TMEM64: variants seen among roughly 807,000 people sequenced by gnomAD.
The protein encoded by TMEM64 is transmembrane protein 64.
In TMEM64, 19 loss-of-function variants were observed where a neutral mutation model predicts 24.5. The ratio of observed to expected loss-of-function variants is 0.78; its 90% CI spans 0.54 to 1.14. The LOEUF is 1.14. Ranked by LOEUF, TMEM64 falls within the 50% of genes most tolerant of loss-of-function variation. The probability of loss-of-function intolerance (pLI) is 0.00; values close to 1 mark genes in which losing one functional copy is unlikely to be tolerated. For missense variants in TMEM64, 487 were observed against 493.0 expected, an observed-to-expected ratio of 0.99 and a Z score of 0.12; for synonymous variants, 262 against 224.7, an observed-to-expected ratio of 1.17 and a Z score of -1.49.
chr8:90,629,530 C>A (rs1809408846), intron 2 of TMEM64, among the ~76,000 whole-genome samples: 1 of 151,980 alleles, frequency 6.6e-6, no homozygotes, highest in African/African-American at 2.4e-5. Flanking sequence ...TGCTTAACTT[C>A]ATACTAAAAA....
Position 90,645,957 on chromosome 8 carries a change from C to A in TMEM64, c.-52G>T. ...CGGCCAGCCCCTCCGCCGCGGCGCC[C>A]GTTAGGCAGCTGCCCTTCATGGCGC... On this transcript the variant is annotated 5_prime_UTR_variant, in exon 1 of 3. Transcript: ENST00000458549. This position sits in a 1 kb window ranked among gnomAD's most constrained non-coding sequence, Gnocchi z 4.2. 2 of 1,024,464 alleles carry A rather than the reference C, an allele frequency of 2.0e-6. No individual in the cohort carries two copies. The highest frequency in any genetic ancestry group is 2.4e-6 in the Non-Finnish European group (2 of 832,146). 63.5% of individuals were successfully genotyped at this position (1,024,464 alleles called of 1,614,324 possible).
rs1563955623 is a variant in TMEM64 at position 90,631,559 on chromosome 8, CA to C, written c.943del (p.Cys315ValfsTer6). 1 of 1,588,674 alleles carries C rather than the reference CA, an allele frequency of 6.3e-7. No homozygotes were observed. Among genetic ancestry groups the C allele is most frequent in the Non-Finnish European group, 8.6e-7 (1 of 1,162,432 alleles). On this transcript the variant is annotated frameshift_variant, in exon 2 of 3. Coordinates refer to ENST00000458549, the MANE Select transcript of TMEM64 (RefSeq NM_001008495.4). LOFTEE classifies it high-confidence loss of function. ...CCTTGGCCTTAAACTCACCTGTAAA[CA>C]AAAAACAAAATATCCACTAACACTC... ...EQSVSGYFVF[C>X]LQIIISIGLM...
chr8:90,636,457 T>C (rs1809519620), intron 1 of TMEM64, among the ~76,000 whole-genome samples: 1 of 152,202 alleles, frequency 6.6e-6, no homozygotes, highest in South Asian at 2.1e-4. Context: ...GGTTTCACCA[T>C]GTTGGTCAGG....
rs1809316883 is a variant in TMEM64, at chr8:90,623,924, T to C, written c.*1747A>G. 6.6e-6 allele frequency: 1 copy of C among 151,314 alleles called. No individual in the cohort carries two copies. The highest frequency in any genetic ancestry group is 2.1e-4 in the South Asian group (1 of 4,808). 9.4% of individuals were successfully genotyped at this position (151,314 alleles called of 1,614,324 possible). A position where few individuals can be genotyped will look rare whatever the true frequency, so the allele number is the denominator to read the frequency against. On this transcript the variant is annotated 3_prime_UTR_variant, in exon 3 of 3. Coordinates refer to ENST00000458549, the MANE Select transcript of TMEM64 (RefSeq NM_001008495.4). ...AAATCATTAAACGAAAACCAGCAAC[T>C]AGATTCAAAAGAGAGAAAAAAAACC...
At chr8:90,637,204 G>T (rs1809535389) in intron 1 of TMEM64, among the ~76,000 whole-genome samples, 1 of 152,196 alleles carries the variant, frequency 6.6e-6, no homozygotes, top group African/African-American at 2.4e-5. Context: ...GCTGACAACA[G>T]AGAACCTCTG....
rs1157469834 is a variant in TMEM64 at position 90,625,624 on chromosome 8, C to A, written c.*47G>T. The A allele has an allele frequency of 1.3e-6, 2 of 1,518,950 alleles. No individual in the cohort carries two copies. Among genetic ancestry groups the A allele is most frequent in the South Asian group, 2.4e-5 (2 of 83,734 alleles). 94.1% of individuals were successfully genotyped at this position (1,518,950 alleles called of 1,614,324 possible). ...GCCCACTAGTGAAGTGACTGCTAGA[C>A]CTTAGATAGCACACTAGGCTCTTGA... On this transcript the variant is annotated 3_prime_UTR_variant, in exon 3 of 3. Coordinates refer to ENST00000458549, the MANE Select transcript of TMEM64 (RefSeq NM_001008495.4).
intron 1 of TMEM64, 145 bp from the exon 2 acceptor site, chr8:90,631,852 G>T (rs1809444872): frequency 1.7e-6 from 1 of 574,578 alleles, no homozygotes; most frequent in Admixed American, 3.3e-5. Flanking sequence ...TTTACAAAAT[G>T]ATTATAAAGA....
At chr8:90,637,414 T>TATA (rs1809540903) in intron 1 of TMEM64, among the ~76,000 whole-genome samples, 1 of 152,186 alleles carries the variant, frequency 6.6e-6, no homozygotes. Context: ...TAATAAAAAA[T>TATA]ATAAAGGTGA....
In TMEM64 at chr8:90,645,719, C is replaced by T. The variant is rs1809688926; in HGVS notation, c.187G>A (p.Gly63Ser). The T allele has an allele frequency of 8.4e-7, 1 of 1,194,548 alleles. No individual in the cohort carries two copies. The highest frequency in any genetic ancestry group is 1.6e-5 in the African/African-American group (1 of 62,516). The allele number at this position is 1,194,548 out of a possible 1,614,324, so 74.0% of individuals were successfully genotyped here. A position where few individuals can be genotyped will look rare whatever the true frequency, so the allele number is the denominator to read the frequency against. ...SAAAAAAAAS[G>S]ALLGAYLERH... ...TCCAGATAGGCGCCGAGCAGGGCGC[C>T]CGAGGCCGCCGCTGCTGCCGCCGCC... Residue 63 changes from glycine (G) to serine (S), a missense_variant, in exon 1 of 3, where the codon GGC (glycine) becomes AGC (serine). Gly to Ser is a moderately conservative substitution (Grantham distance 56). Around this residue, in one of 3 missense-constraint regions of TMEM64, gnomAD observed 419 missense variants for 407.5 expected, o/e 1.03. Transcript: ENST00000458549. This position sits in a 1 kb window ranked among gnomAD's most constrained non-coding sequence, Gnocchi z 4.2.
chr8:90,645,524 C>A lies in TMEM64; in HGVS notation c.382G>T (p.Val128Leu). 1 of 1,549,756 alleles carries A rather than the reference C, an allele frequency of 6.5e-7. No individual in the cohort carries two copies. The highest frequency in any genetic ancestry group is 8.7e-7 in the Non-Finnish European group (1 of 1,146,968). ...CWCRSLVLVC[V>L]LAALCFASLA... ...GAAGCGAAGCACAGGGCGGCCAACA[C>A]GCAGACCAGCACGAGGCTCCGGCAC... is the stretch of plus-strand genomic sequence containing the variant. Residue 128 changes from valine to leucine, a missense_variant, in exon 1 of 3, where the codon GTG (valine) becomes TTG (leucine). Around this residue, in one of 3 missense-constraint regions of TMEM64, gnomAD observed 419 missense variants for 407.5 expected, o/e 1.03. Coordinates refer to ENST00000458549, the MANE Select transcript of TMEM64 (RefSeq NM_001008495.4). The surrounding 1 kb of genome is among the most constrained non-coding windows in gnomAD (Gnocchi z 4.2).
chr8:90,638,223 G>A (rs906937139), intron 1 of TMEM64, among the ~76,000 whole-genome samples: 2 of 152,170 alleles, frequency 1.3e-5, no homozygotes, highest in Non-Finnish European at 2.9e-5. Context: ...TGGCCTCTGA[G>A]CATTTCATGC....
At position 90,624,508 on chromosome 8, in the gene TMEM64, C is replaced by T. The variant is rs1441419609; in HGVS notation, c.*1163G>A. The T allele has an allele frequency of 3.3e-5, 5 of 152,304 alleles. No homozygotes were observed. Among genetic ancestry groups the T allele is most frequent in the Non-Finnish European group, 7.4e-5 (5 of 67,884 alleles). The allele number at this position is 152,304 out of a possible 1,614,324, so 9.4% of individuals were successfully genotyped here. On this transcript the variant is annotated 3_prime_UTR_variant, in exon 3 of 3. Transcript: ENST00000458549. Reference sequence around the variant, plus strand: ...TAGTCATAAGTGCTATTAATAAATACATTTGATTCATGCTACAAGAGAAAG... The same window carrying T: ...TAGTCATAAGTGCTATTAATAAATATATTTGATTCATGCTACAAGAGAAAG...
chr8:90,640,328 T>C (rs1809585986), intron 1 of TMEM64, among the ~76,000 whole-genome samples: 1 of 152,058 alleles, frequency 6.6e-6, no homozygotes, highest in Non-Finnish European at 1.5e-5. Flanking sequence ...AGAATAAGAA[T>C]TAAGAAAATA....
At chr8:90,637,313 T>C (rs1809537364) in intron 1 of TMEM64, among the ~76,000 whole-genome samples, 1 of 152,220 alleles carries the variant, frequency 6.6e-6, no homozygotes, top group Non-Finnish European at 1.5e-5. Context: ...TTCTGCTTTC[T>C]AAGATTATAG....
intron 1 of TMEM64, among the ~76,000 whole-genome samples, chr8:90,636,334 C>T (rs1178265453): frequency 1.3e-5 from 2 of 152,220 alleles, no homozygotes; most frequent in African/African-American, 4.8e-5. Flanking sequence ...CGGCTCACTG[C>T]AACCTCCGCC....
In TMEM64 at chr8:90,623,934, A is replaced by C. The variant is rs1405094814; in HGVS notation, c.*1737T>G. ...ACGAAAACCAGCAACTAGATTCAAA[A>C]GAGAGAAAAAAAACCGAAATGAGTA... On this transcript the variant is annotated 3_prime_UTR_variant, in exon 3 of 3. Transcript: ENST00000458549. 4 of 151,902 alleles carry C rather than the reference A, an allele frequency of 2.6e-5. No homozygotes were observed. Among genetic ancestry groups the C allele is most frequent in the Middle Eastern group, 3.4e-3 (1 of 294 alleles). 9.4% of individuals were successfully genotyped at this position (151,902 alleles called of 1,614,324 possible).
chr8:90,642,515 G>A (rs1413742843), intron 1 of TMEM64, among the ~76,000 whole-genome samples: 3 of 152,172 alleles, frequency 2.0e-5, no homozygotes, highest in Non-Finnish European at 4.4e-5. Flanking sequence ...TCAGCAGGAG[G>A]GGTATGAGGT....
In TMEM64 at chr8:90,625,612, G is replaced by A. The variant is rs1241371325; in HGVS notation, c.*59C>T. 40 of 1,374,368 alleles carry A rather than the reference G, an allele frequency of 2.9e-5. No homozygotes were observed. The Admixed American group carries it at 3.8e-4, about 13-fold the overall frequency. 85.1% of individuals were successfully genotyped at this position (1,374,368 alleles called of 1,614,324 possible). A position where few individuals can be genotyped will look rare whatever the true frequency, so the allele number is the denominator to read the frequency against. On this transcript the variant is annotated 3_prime_UTR_variant, in exon 3 of 3. Coordinates refer to ENST00000458549, the MANE Select transcript of TMEM64 (RefSeq NM_001008495.4). ...GAACTTGTCTCTGCCCACTAGTGAA[G>A]TGACTGCTAGACCTTAGATAGCACA...
At chr8:90,634,041 C>G (rs939088382) in intron 1 of TMEM64, among the ~76,000 whole-genome samples, 1 of 151,940 alleles carries the variant, frequency 6.6e-6, no homozygotes, top group African/African-American at 2.4e-5. Flanking sequence ...CTGCATTTAG[C>G]TTTAGAAAGT....
Sources: gnomAD v4.1 joint callset for allele counts (sites outside exome capture counted in the v4.1 genomes callset) on GRCh38, gnomAD v4.1.1 for gene constraint, gnomAD v4.1.1 regional missense constraint, Gnocchi (gnomAD v3.1) non-coding constraint, MANE v1.5 for transcripts, NCBI Gene and HGNC (gene_info 2026-07-23, HGNC 2026-07-21) for gene names.